The following CFAP43 variants were observed in gnomAD, a reference collection of about 807,000 sequenced individuals.
CFAP43 encodes the protein cilia- and flagella-associated protein 43.
Under a neutral mutation model 218.9 loss-of-function variants are expected in CFAP43, and 155 were observed. That is an observed-to-expected ratio of 0.71 (90% CI 0.62 to 0.81). CFAP43 has a LOEUF of 0.81. Among genes scored for constraint, CFAP43 ranks in the 30% least tolerant of loss-of-function variants. The pLI, the probability that CFAP43 is intolerant of heterozygous loss-of-function variation, is 0.00. For missense variants in CFAP43, 1,778 were observed against 1,954.3 expected (o/e 0.91, Z 1.70); for synonymous variants, 645 against 681.3 (o/e 0.95, Z 0.83).
intron 24 of CFAP43, among the ~76,000 whole-genome samples, chr10:104,163,884 T>C (rs2089009308): frequency 6.6e-6 from 1 of 152,262 alleles, no homozygotes; most frequent in African/African-American, 2.4e-5. Context: ...TGCTTCTTCC[T>C]GGGCTCAGTG....
In CFAP43 at chr10:104,132,121, C is replaced by G; in HGVS notation, c.4672G>C (p.Asp1558His). 1.9e-6 allele frequency: 3 copies of G among 1,599,668 alleles called. No individual in the cohort carries two copies. The highest frequency in any genetic ancestry group is 1.1e-5 in the South Asian group (1 of 87,090). The stretch of plus-strand genomic sequence containing the variant: ...CCAACGTCTTTGAGACTTACCTTAT[C>G]TAAAACAGCAATGGTTTGTTCCATT... The part of the protein sequence containing the change: ...GIMEQTIAVL[D>H]KMHKKNVENC... The change falls in exon 36 of 38, where the codon GAT becomes CAT. Residue 1558 changes from aspartate (D) to histidine (H), a missense_variant. By Grantham distance (81) the Asp-to-His change is moderately conservative. Around this residue, in one of 3 missense-constraint regions of CFAP43, gnomAD observed 211 missense variants for 230.6 expected, o/e 0.91. Coordinates refer to ENST00000357060, the MANE Select transcript of CFAP43 (RefSeq NM_025145.7).
chr10:104,134,976 G>C (rs543853383), intron 34 of CFAP43, among the ~76,000 whole-genome samples: 11 of 152,114 alleles, frequency 7.2e-5, no homozygotes, highest in African/African-American at 2.4e-4. Context: ...AGACAAAAAC[G>C]TTCAATAAAA....
chr10:104,168,530 C>T (rs2089276708), intron 21 of CFAP43, among the ~76,000 whole-genome samples: 1 of 152,146 alleles, frequency 6.6e-6, no homozygotes, highest in Admixed American at 6.5e-5. Flanking sequence ...GACAGATCTT[C>T]AGAAATGCTG....
intron 17 of CFAP43, among the ~76,000 whole-genome samples, chr10:104,181,148 G>GAGACT (rs2089828260): frequency 6.6e-6 from 1 of 152,052 alleles, no homozygotes. Context: ...TCTCTTCATA[G>GAGACT]CTGCCCCCTT....
Position 104,131,321 on chromosome 10 carries a change from G to A in CFAP43, c.4831+10C>T, listed in dbSNP as rs75367360. The A allele has an allele frequency of 5.0e-6, 8 of 1,596,752 alleles. No homozygotes were observed. The East Asian group carries it at 1.1e-4, about 22-fold the overall frequency. On this transcript the variant is annotated intron_variant, in intron 37 of 37. Coordinates refer to ENST00000357060, the MANE Select transcript of CFAP43 (RefSeq NM_025145.7). ...CCTACAGTTGGTTAAAGAAAAAAAA[G>A]CATGCTTACCCATTGCATTACAGAT...
intron 2 of CFAP43, among the ~76,000 whole-genome samples, chr10:104,227,004 C>G (rs2091320971): frequency 6.6e-6 from 1 of 151,990 alleles, no homozygotes; most frequent in South Asian, 2.1e-4. Context: ...GGGGACAGAG[C>G]AAGACTCTGT....
At chr10:104,180,541 G>A (rs779076125) in intron 17 of CFAP43, among the ~76,000 whole-genome samples, 45 of 151,144 alleles carry the variant, frequency 3.0e-4, no homozygotes, top group Non-Finnish European at 5.7e-4. Context: ...CGCCTCCTGG[G>A]TTCATGCCAT....
rs201292669 is a variant in CFAP43 at position 104,143,633 on chromosome 10, G to T, written c.3951C>A (p.Ser1317=). 3.9e-5 allele frequency: 63 copies of T among 1,613,910 alleles called. No homozygotes were observed. The African/African-American group carries it at 7.9e-4, about 20-fold the overall frequency. The part of the protein sequence containing the change: ...YKLFKRRPRI[S]KQKTHSETTS... ...TTGTTTCTGAGTGCGTTTTCTGTTT[G>T]GAAATCCTGGTATTACCAAGAAAAG... The change falls in exon 32 of 38, where the codon TCC becomes TCA. Residue 1317 remains serine (S), a synonymous_variant. Coordinates refer to ENST00000357060, the MANE Select transcript of CFAP43 (RefSeq NM_025145.7).
chr10:104,222,146 C>A (rs1286880189), intron 3 of CFAP43, among the ~76,000 whole-genome samples: 3 of 152,170 alleles, frequency 2.0e-5, no homozygotes, highest in Admixed American at 2.0e-4. Flanking sequence ...GGTACTTGGG[C>A]TCCTCCTGGT....
chr10:104,145,150 G>C (rs2087901157), intron 31 of CFAP43, among the ~76,000 whole-genome samples: 1 of 152,134 alleles, frequency 6.6e-6, no homozygotes, highest in African/African-American at 2.4e-5. Flanking sequence ...ACGCACTTTA[G>C]AAAAAACTGT....
chr10:104,193,858 G>C lies in CFAP43; in HGVS notation c.1442+8C>G, dbSNP rs759909663. 1.2e-6 allele frequency: 2 copies of C among 1,613,166 alleles called. No individual in the cohort carries two copies. Among genetic ancestry groups the C allele is most frequent in the South Asian group, 2.2e-5 (2 of 90,964 alleles). Reference sequence around the variant, plus strand: ...ACGGAGCCGCTCCTGGAGGCAGAAAGGACTTACACGACGTGCTGCACGGAC... The same window carrying C: ...ACGGAGCCGCTCCTGGAGGCAGAAACGACTTACACGACGTGCTGCACGGAC... On this transcript the variant is annotated splice_region_variant and intron_variant, in intron 11 of 37. Transcript: ENST00000357060.
intron 19 of CFAP43, 35 bp downstream of exon 19, chr10:104,178,994 C>T: frequency 6.5e-7 from 1 of 1,543,874 alleles, no homozygotes; most frequent in South Asian, 1.1e-5. Context: ...AGAATGAGGG[C>T]CAAAGGTATT....
At chr10:104,189,314 T>A (rs2090133034) in intron 12 of CFAP43, among the ~76,000 whole-genome samples, 1 of 152,208 alleles carries the variant, frequency 6.6e-6, no homozygotes, top group Non-Finnish European at 1.5e-5. Context: ...AACTCTGCTG[T>A]CCCACAACAG....
intron 13 of CFAP43, among the ~76,000 whole-genome samples, chr10:104,187,734 T>C (rs532904249): frequency 1.3e-5 from 2 of 152,328 alleles, no homozygotes; most frequent in African/African-American, 4.8e-5. Flanking sequence ...TCAATTAACT[T>C]AGAGACATAT....
In CFAP43 at chr10:104,207,790, G is replaced by C. The variant is rs200141875; in HGVS notation, c.770C>G (p.Thr257Ser). ...ACTTGTTGGAGTCCAGCAATGCATA[G>C]TCGGGTGAAGCAAAGGATATAGATC... ...KDDLYPLLHP[T>S]MHCWTPTSDL... Residue 257 changes from threonine to serine, a missense_variant, in exon 6 of 38, where the codon ACT becomes AGT. Physicochemically the swap from Thr to Ser is moderately conservative, Grantham distance 58 (BLOSUM62 1). Coordinates refer to ENST00000357060, the MANE Select transcript of CFAP43 (RefSeq NM_025145.7). 1.7e-4 allele frequency: 273 copies of C among 1,613,828 alleles called. No individual in the cohort carries two copies. The highest frequency in any genetic ancestry group is 2.3e-4 in the Non-Finnish European group (270 of 1,179,988).
chr10:104,207,498 T>A (rs1035530003), intron 6 of CFAP43, among the ~76,000 whole-genome samples, 167 bp downstream of exon 6: 11 of 152,050 alleles, frequency 7.2e-5, no homozygotes, highest in African/African-American at 2.4e-4. Flanking sequence ...GAGGATTACA[T>A]GAAATATGCA....
rs1054274888 is a variant in CFAP43, at chr10:104,130,321, A to G, written c.4832-16T>C. ...AGTTTAGACCCTATCCCAAAAATGA[A>G]TAAAGGAATTCGATTATTTATCAAT... On this transcript the variant is annotated splice_polypyrimidine_tract_variant and intron_variant, in intron 37 of 37. Transcript: ENST00000357060. 8.8e-6 allele frequency: 14 copies of G among 1,597,372 alleles called. No homozygotes were observed. The highest frequency in any genetic ancestry group is 1.7e-4 in the Middle Eastern group (1 of 6,004).
At chr10:104,222,797 T>C (rs2091217025) in intron 3 of CFAP43, among the ~76,000 whole-genome samples, 1 of 152,168 alleles carries the variant, frequency 6.6e-6, no homozygotes, top group African/African-American at 2.4e-5. Context: ...ATACATTTTA[T>C]ATCCAGCAGG....
At chr10:104,207,207 C>T (rs928512156) in intron 6 of CFAP43, among the ~76,000 whole-genome samples, 4 of 151,906 alleles carry the variant, frequency 2.6e-5, no homozygotes, top group African/African-American at 9.7e-5. Flanking sequence ...TCTAACCGAG[C>T]AATAGAAAGG....
Sources: allele counts gnomAD v4.1 joint callset (sites outside exome capture counted in the v4.1 genomes callset), GRCh38; gene constraint gnomAD v4.1.1; regional missense constraint gnomAD v4.1.1; transcripts MANE v1.5; gene names NCBI Gene and HGNC (gene_info 2026-07-23, HGNC 2026-07-21).